MTMR14: variants seen among roughly 807,000 people sequenced by gnomAD.
MTMR14 encodes phosphatidylinositol-3,5-bisphosphate 3-phosphatase MTMR14.
MTMR14 carries 48 observed loss-of-function variants against 86.3 expected under a neutral mutation model. The ratio of observed to expected loss-of-function variants is 0.56; its 90% CI spans 0.44 to 0.71. MTMR14 has a LOEUF of 0.71. Among genes scored for constraint, MTMR14 ranks in the 30% least tolerant of loss-of-function variants. The probability of loss-of-function intolerance (pLI) is 0.00; values close to 1 mark genes in which losing one functional copy is unlikely to be tolerated. For missense variants in MTMR14, 780 were observed against 834.6 expected (o/e 0.93, Z 0.81); for synonymous variants, 366 against 326.1 (o/e 1.12, Z -1.32).
intron 9 of MTMR14, among the ~76,000 whole-genome samples, chr3:9,680,321 CTG>C (rs1330838454): frequency 2.0e-5 from 3 of 152,224 alleles, no homozygotes; most frequent in African/African-American, 7.2e-5. Flanking sequence ...CAGGCCACCA[CTG>C]TCTCAGTGCA....
chr3:9,650,114 A>G (rs1318121493), intron 1 of MTMR14, among the ~76,000 whole-genome samples: 1 of 152,252 alleles, frequency 6.6e-6, no homozygotes. Context: ...GAAAAAGCTA[A>G]GAAAAATAGG....
chr3:9,684,493 C>T, intron 10 of MTMR14, 92 bp from the exon 11 acceptor site: 1 of 1,227,032 alleles, frequency 8.1e-7, no homozygotes, highest in Non-Finnish European at 1.2e-6. Flanking sequence ...TGGGGCCTGG[C>T]TCCCTCCACC....
intron 13 of MTMR14, among the ~76,000 whole-genome samples, chr3:9,686,698 C>T (rs2075969157): frequency 6.6e-6 from 1 of 152,194 alleles, no homozygotes; most frequent in African/African-American, 2.4e-5. Flanking sequence ...CCTGGGCAGC[C>T]CTCTCCTTGT....
chr3:9,663,935 C>A (rs2048100748), intron 3 of MTMR14, among the ~76,000 whole-genome samples: 1 of 151,964 alleles, frequency 6.6e-6, no homozygotes, highest in African/African-American at 2.4e-5. Flanking sequence ...ATTACAGGAG[C>A]ATGTCACCAC....
In MTMR14 at chr3:9,685,253, T is replaced by C. The variant is rs747335100; in HGVS notation, c.1164+6T>C. ...GGCTCAGCAAAGGGGAGGAGGTGAG[T>C]ATACCACCTACGACTTGTGGGCACA... On this transcript the variant is annotated splice_donor_region_variant and intron_variant, in intron 13 of 18. Transcript: ENST00000296003. The C allele has an allele frequency of 1.7e-5, 27 of 1,613,616 alleles. No homozygotes were observed. The highest frequency in any genetic ancestry group is 1.8e-5 in the Non-Finnish European group (21 of 1,179,940).
chr3:9,700,906 C>T (rs377498465), intron 18 of MTMR14: 1 of 152,068 alleles, frequency 6.6e-6, no homozygotes, highest in Non-Finnish European at 1.5e-5. Flanking sequence ...TGACCTCTGC[C>T]TCCCGGGATC....
intron 18 of MTMR14, chr3:9,700,039 C>G (rs533954972): frequency 1.3e-4 from 20 of 152,394 alleles, no homozygotes; most frequent in African/African-American, 4.8e-4. Flanking sequence ...TTTCTTTGCC[C>G]CAGAGCCTAC....
At position 9,653,770 on chromosome 3, in the gene MTMR14, G is replaced by A. The variant is rs1413765461; in HGVS notation, c.308+1G>A. The A allele has an allele frequency of 2.5e-6, 4 of 1,614,062 alleles. No homozygotes were observed. Among genetic ancestry groups the A allele is most frequent in the Admixed American group, 1.7e-5 (1 of 59,994 alleles). ...AGAGTTCTGAGAAGGAGAAAGACAC[G>A]TGAGCATCATGTGACCGTAGTGTAC... On this transcript the variant is annotated splice_donor_variant, in intron 2 of 18. Coordinates refer to ENST00000296003, the MANE Select transcript of MTMR14 (RefSeq NM_001077525.3). LOFTEE classifies it high-confidence loss of function.
chr3:9,685,119 G>A (rs2075894597), intron 12 of MTMR14, 92 bp from the exon 13 acceptor site: 1 of 1,569,346 alleles, frequency 6.4e-7, no homozygotes, highest in Admixed American at 1.7e-5. Flanking sequence ...CCACGCTGGT[G>A]CCAGTGACAC....
At chr3:9,694,493 A>T (rs1365849699) in intron 17 of MTMR14, among the ~76,000 whole-genome samples, 1 of 151,600 alleles carries the variant, frequency 6.6e-6, no homozygotes. Flanking sequence ...GATAGATTAG[A>T]TAGATAGATT....
chr3:9,684,546 G>A, intron 10 of MTMR14, 39 bp from the exon 11 acceptor site: 1 of 1,600,440 alleles, frequency 6.2e-7, no homozygotes. Flanking sequence ...CCCATGTCTG[G>A]TTCTCTCCTG....
At chr3:9,687,121 C>T (rs1446526561) in intron 13 of MTMR14, among the ~76,000 whole-genome samples, 3 of 152,350 alleles carry the variant, frequency 2.0e-5, no homozygotes, top group South Asian at 2.1e-4. Context: ...TCTCCCTGCG[C>T]CCAAGTCATC....
intron 2 of MTMR14, chr3:9,659,625 G>A (rs144677534): frequency 2.2e-6 from 1 of 447,284 alleles, no homozygotes; most frequent in Admixed American, 2.4e-5. Context: ...TGTAGTTTTA[G>A]TATAGACGGG....
rs747671579 is a variant in MTMR14 at position 9,671,119 on chromosome 3, A to G, written c.626A>G (p.Lys209Arg). 3.2e-5 allele frequency: 51 copies of G among 1,614,104 alleles called. No individual in the cohort carries two copies. Among genetic ancestry groups the G allele is most frequent in the African/African-American group, 6.7e-5 (5 of 74,938 alleles). Reference sequence around the variant, plus strand: ...AAGCTGCTTCGATACCTGTCAGTCAAATACATCTGTGACCTGATGGTGGAG... The same window carrying G: ...AAGCTGCTTCGATACCTGTCAGTCAGATACATCTGTGACCTGATGGTGGAG... ...DIKLLRYLSV[K>R]YICDLMVENK... Residue 209 changes from lysine to arginine, a missense_variant, in exon 6 of 19, where the codon AAA becomes AGA. Transcript: ENST00000296003.
intron 1 of MTMR14, chr3:9,650,235 T>C (rs948246104): frequency 1.4e-4 from 61 of 444,752 alleles, no homozygotes; most frequent in Admixed American, 1.0e-3. Flanking sequence ...CCTTCCCCTA[T>C]AGAGCAGGAA....
At chr3:9,656,599 T>G (rs1403374785) in intron 2 of MTMR14, among the ~76,000 whole-genome samples, 1 of 152,022 alleles carries the variant, frequency 6.6e-6, no homozygotes, top group Non-Finnish European at 1.5e-5. Context: ...TTCTTGAATT[T>G]TAGTAGAGAT....
intron 12 of MTMR14, 110 bp downstream of exon 12, chr3:9,685,074 G>T: frequency 6.7e-7 from 1 of 1,482,014 alleles, no homozygotes; most frequent in Non-Finnish European, 9.4e-7. Context: ...TCCACCCCTC[G>T]AGAAGGACCG....
Position 9,668,706 on chromosome 3 carries a change from G to C in MTMR14, c.418-13G>C. 6.2e-7 allele frequency: 1 copy of C among 1,614,054 alleles called. No individual in the cohort carries two copies. The highest frequency in any genetic ancestry group is 8.5e-7 in the Non-Finnish European group (1 of 1,179,912). On this transcript the variant is annotated splice_polypyrimidine_tract_variant and intron_variant, in intron 3 of 18. Transcript: ENST00000296003. ...AAAACCATCTGACCGTGAAAATGAT[G>C]TTTCTCTCCCAGCACATTTGCAGGT...
At chr3:9,653,359 C>T (rs929363696) in intron 1 of MTMR14, among the ~76,000 whole-genome samples, 1 of 152,182 alleles carries the variant, frequency 6.6e-6, no homozygotes, top group Non-Finnish European at 1.5e-5. Context: ...CTAATGAAAG[C>T]TGTAATCGTC....
Sources: allele counts gnomAD v4.1 joint callset (sites outside exome capture counted in the v4.1 genomes callset), GRCh38; gene constraint gnomAD v4.1.1; transcripts MANE v1.5; gene names NCBI Gene and HGNC (gene_info 2026-07-23, HGNC 2026-07-21).